The following WIPF3 variants were observed in gnomAD, a reference collection of about 807,000 sequenced individuals.
WIPF3 encodes the protein WAS/WASL-interacting protein family member 3.
Under a neutral mutation model 38.9 loss-of-function variants are expected in WIPF3, and 33 were observed. The observed-to-expected ratio is 0.85, with a 90% CI of 0.64 to 1.14. The LOEUF is 1.14. Among genes scored for constraint, WIPF3 ranks in the 50% most tolerant of loss-of-function variants. The probability of loss-of-function intolerance (pLI) is 0.00; values close to 1 mark genes in which losing one functional copy is unlikely to be tolerated. For synonymous variants in WIPF3, 324 were observed against 269.3 expected (o/e 1.20, Z -1.99); for missense variants, 711 against 652.5 (o/e 1.09, Z -0.98).
chr7:29,866,112 T>C (rs1785382586), intron 2 of WIPF3, among the ~76,000 whole-genome samples: 1 of 152,068 alleles, frequency 6.6e-6, no homozygotes, highest in Non-Finnish European at 1.5e-5. Flanking sequence ...TAAACCAAAG[T>C]CGCGCCACTG....
chr7:29,819,064 T>G (rs1583589764), intron 1 of WIPF3, among the ~76,000 whole-genome samples: 1 of 152,322 alleles, frequency 6.6e-6, no homozygotes, highest in East Asian at 1.9e-4. Context: ...GTAGTTTTCT[T>G]TTTTTATTTG....
intron 7 of WIPF3, among the ~76,000 whole-genome samples, chr7:29,901,876 C>T (rs1280451824): frequency 2.0e-5 from 3 of 147,090 alleles, no homozygotes; most frequent in Non-Finnish European, 3.0e-5. Flanking sequence ...AGAAAGAAAA[C>T]CAGTGGGAAT....
rs760202840 is a variant in WIPF3, at chr7:29,875,912, G to A, written c.173G>A (p.Arg58His). Residue 58 changes from arginine (R) to histidine (H), a missense_variant, in exon 3 of 9, where the codon CGC becomes CAC. Arg to His is a conservative substitution (Grantham distance 29, BLOSUM62 0). Coordinates refer to ENST00000242140, the MANE Select transcript of WIPF3 (RefSeq NM_001080529.3). ...ALLADIQQGTRLRKVTQINDR... is the reference protein window; with the variant it reads ...ALLADIQQGTHLRKVTQINDR... ...TTGGCTGATATCCAGCAAGGAACTC[G>A]CCTGCGCAAAGTCACGCAGATCAAC... 1.1e-5 allele frequency: 17 copies of A among 1,613,926 alleles called. No individual in the cohort carries two copies. The highest frequency in any genetic ancestry group is 9.3e-5 in the African/African-American group (7 of 74,932).
At chr7:29,822,123 GTTTTT>G in intron 1 of WIPF3, among the ~76,000 whole-genome samples, 2 of 62,834 alleles carry the variant, frequency 3.2e-5, no homozygotes, top group South Asian at 5.6e-4. Flanking sequence ...TTTTTTCTTA[GTTTTT>G]TTTTTTTTTT....
chr7:29,901,810 A>G (rs1257550045), intron 7 of WIPF3, among the ~76,000 whole-genome samples: 1 of 133,680 alleles, frequency 7.5e-6, no homozygotes, highest in Non-Finnish European at 1.5e-5. Context: ...TGCGCTCCAG[A>G]GCAAGTCCCT....
intron 1 of WIPF3, among the ~76,000 whole-genome samples, chr7:29,812,747 G>T (rs1036724060): frequency 6.6e-6 from 1 of 152,138 alleles, no homozygotes; most frequent in Non-Finnish European, 1.5e-5. Flanking sequence ...AAGAGGGAAT[G>T]GTTATTGAGT....
intron 2 of WIPF3, among the ~76,000 whole-genome samples, chr7:29,860,613 A>G (rs1291096136): frequency 6.6e-6 from 1 of 152,226 alleles, no homozygotes; most frequent in East Asian, 1.9e-4. Flanking sequence ...AGGCTCAGGT[A>G]TTCCTTTATA....
At chr7:29,894,258 A>G (rs778777753) in intron 7 of WIPF3, among the ~76,000 whole-genome samples, 1 of 152,168 alleles carries the variant, frequency 6.6e-6, no homozygotes, top group Non-Finnish European at 1.5e-5. Context: ...CGCGTCCTCA[A>G]GAAGAGAAGA....
intron 2 of WIPF3, among the ~76,000 whole-genome samples, chr7:29,836,801 T>C (rs1310986062): frequency 2.0e-5 from 3 of 151,046 alleles, no homozygotes. Flanking sequence ...CCAGCCTGGC[T>C]AACATGGCTA....
At chr7:29,881,644 C>T (rs2391805) in intron 4 of WIPF3, among the ~76,000 whole-genome samples, 64,892 of 151,606 alleles carry the variant, frequency 0.43, 14,747 homozygotes, top group African/African-American at 0.57. Flanking sequence ...CAACCTTGGC[C>T]TAGAGCTCTA....
At chr7:29,890,827 A>C (rs1453477459) in intron 7 of WIPF3, among the ~76,000 whole-genome samples, 1 of 64,706 alleles carries the variant, frequency 1.5e-5, no homozygotes, top group African/African-American at 6.3e-5. Flanking sequence ...GGGGGCGCAG[A>C]CCTGCCCTGT....
At chr7:29,810,118 C>T (rs1014171043) in intron 1 of WIPF3, among the ~76,000 whole-genome samples, 6 of 152,196 alleles carry the variant, frequency 3.9e-5, no homozygotes, top group Non-Finnish European at 8.8e-5. Context: ...CTAGCTAGCC[C>T]TGCCCGGGGC....
intron 8 of WIPF3, among the ~76,000 whole-genome samples, chr7:29,906,494 G>C (rs1398463332): frequency 1.3e-5 from 2 of 151,856 alleles, no homozygotes; most frequent in Non-Finnish European, 2.9e-5. Context: ...CAGAAGAACA[G>C]AAAGAAAAAA....
chr7:29,894,810 G>A (rs1786099975), intron 7 of WIPF3, among the ~76,000 whole-genome samples: 2 of 151,452 alleles, frequency 1.3e-5, no homozygotes, highest in African/African-American at 2.4e-5. Context: ...GAGCACACAC[G>A]CTTAGCTCTT....
At chr7:29,818,656 T>C (rs1784493602) in intron 1 of WIPF3, among the ~76,000 whole-genome samples, 1 of 151,552 alleles carries the variant, frequency 6.6e-6, no homozygotes, top group South Asian at 2.1e-4. Flanking sequence ...AACATGATAA[T>C]TGAGCCTCCT....
intron 2 of WIPF3, among the ~76,000 whole-genome samples, chr7:29,838,108 CG>C (rs1562774384): frequency 6.6e-6 from 1 of 152,162 alleles, no homozygotes; most frequent in Non-Finnish European, 1.5e-5. Flanking sequence ...TTAGTAGAGA[CG>C]GGGTTTCACT....
intron 1 of WIPF3, among the ~76,000 whole-genome samples, chr7:29,825,765 C>T (rs1027125939): frequency 6.6e-6 from 1 of 152,160 alleles, no homozygotes; most frequent in Non-Finnish European, 1.5e-5. Context: ...TGTATGAGCT[C>T]ATCTTAGTAT....
intron 8 of WIPF3, among the ~76,000 whole-genome samples, chr7:29,907,000 C>A (rs535540019): frequency 7.2e-5 from 11 of 152,298 alleles, no homozygotes; most frequent in Non-Finnish European, 1.6e-4. Context: ...TACCACTAGA[C>A]CTGCCCTGCA....
chr7:29,824,749 A>C (rs991473671), intron 1 of WIPF3, among the ~76,000 whole-genome samples: 1 of 151,624 alleles, frequency 6.6e-6, no homozygotes. Flanking sequence ...GATTTGTGAG[A>C]CTTGGCTGTC....
Sources: allele counts gnomAD v4.1 joint callset (sites outside exome capture counted in the v4.1 genomes callset), GRCh38; gene constraint gnomAD v4.1.1; transcripts MANE v1.5; gene names NCBI Gene and HGNC (gene_info 2026-07-23, HGNC 2026-07-21).